HOMER3: variants seen among roughly 807,000 people sequenced by gnomAD.
HOMER3 encodes homer protein homolog 3.
Under a neutral mutation model 45.5 loss-of-function variants are expected in HOMER3, and 34 were observed. The ratio of observed to expected loss-of-function variants is 0.75; its 90% confidence interval spans 0.57 to 1.00. HOMER3 has a LOEUF of 1.00. Among genes scored for constraint, HOMER3 ranks in the 50% least tolerant of loss-of-function variants. HOMER3 has a pLI of 0.00. For missense variants in HOMER3, 480 were observed against 497.5 expected, an observed-to-expected ratio of 0.96 and a Z score of 0.33; for synonymous variants, 223 against 208.8, an observed-to-expected ratio of 1.07 and a Z score of -0.58.
intron 4 of HOMER3, among the ~76,000 whole-genome samples, chr19:18,936,131 T>A (rs1044551055): frequency 6.7e-6 from 1 of 150,204 alleles, no homozygotes; most frequent in Non-Finnish European, 1.5e-5. Context: ...CTGACCAACA[T>A]GGTGAAACCC....
Position 18,929,623 on chromosome 19 carries a change from G to A in HOMER3, c.906C>T (p.Thr302=). The A allele has an allele frequency of 6.6e-7, 1 of 1,517,380 alleles. No individual in the cohort carries two copies. The highest frequency in any genetic ancestry group is 2.5e-5 in the East Asian group (1 of 40,432). The allele number at this position is 1,517,380 out of a possible 1,614,324, so 94.0% of individuals were successfully genotyped here. Residue 302 remains threonine (T), a synonymous_variant, in exon 10 of 10, where the codon ACC becomes ACT. Coordinates refer to ENST00000392351, the MANE Select transcript of HOMER3 (RefSeq NM_004838.4). Reference sequence around the variant, plus strand: ...GCTGGTGCTCCAACTCCGCATTGCGGGTCTCCAGGTCCTGCCAGGAAAGGG... The same window carrying A: ...GCTGGTGCTCCAACTCCGCATTGCGAGTCTCCAGGTCCTGCCAGGAAAGGG... The part of the protein sequence containing the change: ...ETQQKVQDLE[T]RNAELEHQLR...
At chr19:18,932,877 C>CCCCCCCA in intron 6 of HOMER3, 47 bp downstream of exon 6, 1 of 767,220 alleles carries the variant, frequency 1.3e-6, no homozygotes, top group Non-Finnish European at 1.9e-6. Context: ...TCCTCGTCCC[C>CCCCCCCA]CACCCCTACC....
intron 7 of HOMER3, 101 bp from the exon 8 acceptor site, chr19:18,931,726 C>T (rs2057035047): frequency 1.3e-5 from 19 of 1,505,660 alleles, no homozygotes; most frequent in South Asian, 2.6e-5. Flanking sequence ...CGCCCAGGAC[C>T]GAGCACCCAT....
At position 18,931,343 on chromosome 19, in the gene HOMER3, C is replaced by A. The variant is rs201061023; in HGVS notation, c.876G>T (p.Glu292Asp). The change falls in exon 9 of 10, where the codon GAG becomes GAT. Residue 292 changes from glutamate (E) to aspartate (D), a missense_variant. Transcript: ENST00000392351. ...CACACACCTGCACCTTCTGCTGAGT[C>A]TCCTCACGCTCGGCAGCCTCCAGGG... is the stretch of plus-strand genomic sequence containing the variant. ...REALEAAERE[E>D]TQQKVQDLET... is the part of the protein sequence containing the mutation. 30 of 1,614,042 alleles carry A rather than the reference C, an allele frequency of 1.9e-5. No individual in the cohort carries two copies. Among genetic ancestry groups the A allele is most frequent in the Non-Finnish European group, 2.5e-5 (29 of 1,180,018 alleles).
chr19:18,938,746 G>T lies in HOMER3; in HGVS notation c.153C>A (p.Ile51=). ...CCCTGACCTTGGCGCCTCCGATGCT[G>T]ATGATGCGGTACACATTGCGGGTGG... ...YDATRNVYRI[I]SIGGAKAIIN... The change falls in exon 3 of 10, where the codon ATC becomes ATA. Residue 51 remains isoleucine (I), a synonymous_variant. Transcript: ENST00000392351. The T allele has an allele frequency of 6.3e-7, 1 of 1,596,594 alleles. No homozygotes were observed. Among genetic ancestry groups the T allele is most frequent in the African/African-American group, 1.3e-5 (1 of 74,784 alleles).
At chr19:18,939,304 G>C (rs1009005795) in intron 1 of HOMER3, 2 of 326,408 alleles carry the variant, frequency 6.1e-6, no homozygotes, top group African/African-American at 4.2e-5. Context: ...AGCTGGGTGT[G>C]GTGGCATGTG....
chr19:18,930,885 G>A (rs909293940), intron 9 of HOMER3, among the ~76,000 whole-genome samples: 3 of 152,002 alleles, frequency 2.0e-5, no homozygotes, highest in Non-Finnish European at 2.9e-5. Context: ...GCGGGCGCCT[G>A]TAATCCCAGC....
chr19:18,931,689 C>G, intron 7 of HOMER3, 64 bp from the exon 8 acceptor site: 3 of 1,525,986 alleles, frequency 2.0e-6, no homozygotes, highest in Non-Finnish European at 2.6e-6. Context: ...CGCCCAACCT[C>G]TAGGGAATCT....
In HOMER3 at chr19:18,929,579, C is replaced by T; in HGVS notation, c.950G>A (p.Ser317Asn). ...CCGCTCTGCCCGTGCCTCCTCCAGG[C>T]TGCGCTCCATCGCCCGCAGCTGGTG... The part of the protein sequence containing the change: ...LEHQLRAMER[S>N]LEEARAERER... Residue 317 changes from serine to asparagine, a missense_variant, in exon 10 of 10, where the codon AGC becomes AAC. Ser to Asn is a conservative substitution (Grantham distance 46, BLOSUM62 1). Coordinates refer to ENST00000392351, the MANE Select transcript of HOMER3 (RefSeq NM_004838.4). 1 of 1,545,860 alleles carries T rather than the reference C, an allele frequency of 6.5e-7. No homozygotes were observed. Among genetic ancestry groups the T allele is most frequent in the Non-Finnish European group, 8.7e-7 (1 of 1,145,552 alleles).
chr19:18,938,704 G>GCCCCCCCCCCACA, intron 3 of HOMER3, 24 bp downstream of exon 3: 1 of 1,561,848 alleles, frequency 6.4e-7, no homozygotes, highest in Non-Finnish European at 8.7e-7. Context: ...TGGTGCCTCT[G>GCCCCCCCCCCACA]CCCCACCCAG....
At position 18,929,391 on chromosome 19, in the gene HOMER3, C is replaced by T; in HGVS notation, c.*52G>A. On this transcript the variant is annotated 3_prime_UTR_variant, in exon 10 of 10. Transcript: ENST00000392351. The stretch of plus-strand genomic sequence containing the variant: ...CGAATGGGCCCAACTATGCCGCCTG[C>T]AGCCTGGCCCGCATCCCAGGCCGGA... 1 of 1,564,414 alleles carries T rather than the reference C, an allele frequency of 6.4e-7. No individual in the cohort carries two copies. The highest frequency in any genetic ancestry group is 8.7e-7 in the Non-Finnish European group (1 of 1,151,744).
At chr19:18,935,877 A>AG (rs2057087301) in intron 4 of HOMER3, among the ~76,000 whole-genome samples, 1 of 151,106 alleles carries the variant, frequency 6.6e-6, no homozygotes, top group Non-Finnish European at 1.5e-5. Flanking sequence ...AAAATTAGCC[A>AG]GGCATGGTGG....
At chr19:18,939,170 G>A (rs748223451) in intron 1 of HOMER3, 121 bp from the exon 2 acceptor site, 12 of 593,230 alleles carry the variant, frequency 2.0e-5, no homozygotes, top group Middle Eastern at 9.1e-4. Context: ...AAAAAGGCAG[G>A]AGAGGCCCAA....
At position 18,932,654 on chromosome 19, in the gene HOMER3, G is replaced by A. The variant is rs73923188; in HGVS notation, c.533+270C>T. 7.0e-3 allele frequency among the ~76,000 whole-genome samples: 1,060 copies of A among 152,138 alleles called. 9 individuals are homozygous for A. The highest frequency in any genetic ancestry group is 0.024 in the African/African-American group (996 of 41,498). On this transcript the variant is annotated intron_variant, in intron 6 of 9. Transcript: ENST00000392351. ...CAGCCGATGGGGGCGTGGTCAGGGT[G>A]GTTATCCTAAGACCAGAGAGGCATC...
intron 5 of HOMER3, 22 bp downstream of exon 5, chr19:18,934,281 T>C (rs376017625): frequency 2.1e-5 from 29 of 1,370,004 alleles, no homozygotes; most frequent in Middle Eastern, 3.9e-4. Context: ...CAGGCAGGCA[T>C]AGGGGAGTAG....
chr19:18,932,275 G>A, intron 6 of HOMER3, 143 bp from the exon 7 acceptor site: 1 of 760,652 alleles, frequency 1.3e-6, no homozygotes, highest in South Asian at 2.3e-5. Context: ...GGAGTCGTGC[G>A]CGAAGTTGGA....
chr19:18,932,960 G>A lies in HOMER3; in HGVS notation c.497C>T (p.Thr166Ile), dbSNP rs147820524. The A allele has an allele frequency of 2.2e-3, 3,199 of 1,450,660 alleles. 7 individuals carry two copies. Among genetic ancestry groups the A allele is most frequent in the Non-Finnish European group, 2.5e-3 (2,702 of 1,100,222 alleles). 89.9% of individuals were successfully genotyped at this position (1,450,660 alleles called of 1,614,324 possible). A position where few individuals can be genotyped will look rare whatever the true frequency, so the allele number is the denominator to read the frequency against. ...CATCTTCTTTAGCCGCTCGCGCTCTGTGGGGCCGGGGGCATCAGCGCTCTG... is the reference window on the plus strand; with the variant it reads ...CATCTTCTTTAGCCGCTCGCGCTCTATGGGGCCGGGGGCATCAGCGCTCTG... ...RSQSADAPGP[T>I]ERERLKKMLS... Residue 166 changes from threonine to isoleucine, a missense_variant, in exon 6 of 10, where the codon ACA becomes ATA. Physicochemically the swap from Thr to Ile is moderately conservative, Grantham distance 89. Transcript: ENST00000392351.
At chr19:18,930,274 G>C (rs1263626873) in intron 9 of HOMER3, among the ~76,000 whole-genome samples, 1 of 145,370 alleles carries the variant, frequency 6.9e-6, no homozygotes, top group African/African-American at 2.6e-5. Context: ...AAGGCTGGGC[G>C]CAGTGGTTTA....
At chr19:18,932,879 A>AACCCCCCCCCCCCCCCCCCCCC in intron 6 of HOMER3, 45 bp downstream of exon 6, 4 of 226,450 alleles carry the variant, frequency 1.8e-5, no homozygotes, top group Non-Finnish European at 3.4e-5. Flanking sequence ...CTCGTCCCCC[A>AACCCCCCCCCCCCCCCCCCCCC]CCCCTACCCC....
Sources: gnomAD v4.1 joint callset for allele counts (sites outside exome capture counted in the v4.1 genomes callset) on GRCh38, gnomAD v4.1.1 for gene constraint, MANE v1.5 for transcripts, NCBI Gene and HGNC (gene_info 2026-07-23, HGNC 2026-07-21) for gene names.